Variants in B3GLCT observed in about 807,000 individuals in gnomAD.
B3GLCT encodes beta-1,3-glucosyltransferase.
A neutral mutation model predicts 63.4 loss-of-function variants in B3GLCT; 65 were observed. That is an observed-to-expected ratio of 1.03 (90% CI 0.84 to 1.26). The LOEUF (loss-of-function observed/expected upper bound fraction) is 1.26, where lower values mean the gene tolerates loss of function less well. Among genes scored for constraint, B3GLCT ranks in the 50% most tolerant of loss-of-function variants. The pLI, the probability that B3GLCT is intolerant of heterozygous loss-of-function variation, is 0.00. For missense variants in B3GLCT, 577 were observed against 604.8 expected (o/e 0.95, Z 0.48); for synonymous variants, 233 against 219.2 (o/e 1.06, Z -0.55).
chr13:31,300,725 G>A (rs993016450), intron 12 of B3GLCT, among the ~76,000 whole-genome samples: 4 of 152,168 alleles, frequency 2.6e-5, no homozygotes, highest in Non-Finnish European at 4.4e-5. Flanking sequence ...CATCTCAAAA[G>A]ACCAATCTTA....
chr13:31,302,149 T>G (rs933937831), intron 12 of B3GLCT, among the ~76,000 whole-genome samples: 1 of 152,240 alleles, frequency 6.6e-6, no homozygotes, highest in African/African-American at 2.4e-5. Context: ...AGGTAAAGCT[T>G]AGACCACAAA....
chr13:31,207,245 C>G (rs1248345557), intron 1 of B3GLCT, among the ~76,000 whole-genome samples: 2 of 151,940 alleles, frequency 1.3e-5, no homozygotes, highest in Non-Finnish European at 2.9e-5. Flanking sequence ...GTTAACTGTT[C>G]CATAGTACAC....
At chr13:31,278,411 T>G (rs563887066) in intron 10 of B3GLCT, among the ~76,000 whole-genome samples, 2 of 152,332 alleles carry the variant, frequency 1.3e-5, no homozygotes, top group South Asian at 4.1e-4. Flanking sequence ...CAAAAGTCTT[T>G]AAAAATTACA....
chr13:31,319,477 C>T (rs1229175320), intron 13 of B3GLCT, among the ~76,000 whole-genome samples: 1 of 152,172 alleles, frequency 6.6e-6, no homozygotes. Context: ...CAATTTTTAT[C>T]CTGTTTCACT....
At chr13:31,233,847 G>A (rs1325319999) in intron 4 of B3GLCT, among the ~76,000 whole-genome samples, 1 of 152,088 alleles carries the variant, frequency 6.6e-6, no homozygotes, top group East Asian at 1.9e-4. Flanking sequence ...GACTCACTTA[G>A]TCTACAGAAT....
chr13:31,315,162 G>A (rs1035387802), intron 12 of B3GLCT, among the ~76,000 whole-genome samples: 1 of 152,212 alleles, frequency 6.6e-6, no homozygotes, highest in Admixed American at 6.5e-5. Context: ...CAGGAGTGGG[G>A]TGTTGCTGAA....
At chr13:31,323,630 G>T in intron 13 of B3GLCT, 121 bp from the exon 14 acceptor site, 1 of 1,138,370 alleles carries the variant, frequency 8.8e-7, no homozygotes, top group Non-Finnish European at 1.3e-6. Context: ...TCAGTAACTA[G>T]AGAAAGCTAC....
In B3GLCT at chr13:31,317,613, C is replaced by G; in HGVS notation, c.1112C>G (p.Pro371Arg). The change falls in exon 13 of 15, where the codon CCT becomes CGT. Residue 371 changes from proline (P) to arginine (R), a missense_variant. By Grantham distance (103) the Pro-to-Arg change is moderately radical. Coordinates refer to ENST00000343307, the MANE Select transcript of B3GLCT (RefSeq NM_194318.4). The stretch of plus-strand genomic sequence containing the variant: ...CTTAGCTGTTATGACTCCGGCGAGC[C>G]TGTGTTTCTGGGAGAGCGCTACGGC... ...HLLSCYDSGE[P>R]VFLGERYGYG... 6.2e-7 allele frequency: 1 copy of G among 1,614,052 alleles called. No homozygotes were observed. The highest frequency in any genetic ancestry group is 8.5e-7 in the Non-Finnish European group (1 of 1,179,980).
chr13:31,233,128 C>T (rs955547837), intron 4 of B3GLCT, among the ~76,000 whole-genome samples: 1 of 152,104 alleles, frequency 6.6e-6, no homozygotes, highest in African/African-American at 2.4e-5. Context: ...AGAAATTTAT[C>T]AAATGAAAAT....
chr13:31,208,252 C>T (rs1224051445), intron 1 of B3GLCT, among the ~76,000 whole-genome samples: 1 of 152,174 alleles, frequency 6.6e-6, no homozygotes, highest in Non-Finnish European at 1.5e-5. Flanking sequence ...CATTAAACAG[C>T]TGCCTTCTCT....
chr13:31,229,472 G>A (rs373198628), intron 4 of B3GLCT, among the ~76,000 whole-genome samples, 178 bp downstream of exon 4: 4 of 152,288 alleles, frequency 2.6e-5, no homozygotes, highest in East Asian at 3.9e-4. Flanking sequence ...TCAGCTGGGC[G>A]TGGTGGCTCA....
chr13:31,216,357 T>C (rs927065110), intron 2 of B3GLCT, among the ~76,000 whole-genome samples: 1 of 152,262 alleles, frequency 6.6e-6, no homozygotes, highest in Admixed American at 6.5e-5. Context: ...AGGGAAGTTA[T>C]GTGATTTGAC....
At chr13:31,317,167 A>G (rs1467648413) in intron 12 of B3GLCT, among the ~76,000 whole-genome samples, 1 of 152,182 alleles carries the variant, frequency 6.6e-6, no homozygotes, top group Non-Finnish European at 1.5e-5. Context: ...TACCAAGTTC[A>G]TCTGAAAAGA....
chr13:31,224,705 A>G (rs1331837950), intron 3 of B3GLCT, among the ~76,000 whole-genome samples: 1 of 152,016 alleles, frequency 6.6e-6, no homozygotes, highest in African/African-American at 2.4e-5. Context: ...ACATAATTGG[A>G]GTGGCCCGCT....
chr13:31,235,354 A>G (rs1203990231), intron 4 of B3GLCT, among the ~76,000 whole-genome samples: 2 of 152,110 alleles, frequency 1.3e-5, no homozygotes, highest in Non-Finnish European at 2.9e-5. Flanking sequence ...AGCAGCATAC[A>G]TAGGTAGTGG....
chr13:31,201,609 C>G (rs1188011069), intron 1 of B3GLCT, among the ~76,000 whole-genome samples: 2 of 152,132 alleles, frequency 1.3e-5, no homozygotes, highest in African/African-American at 2.4e-5. Context: ...TGCAACTAAC[C>G]AAATGGGTGG....
chr13:31,296,667 T>C (rs373251622), intron 12 of B3GLCT, among the ~76,000 whole-genome samples: 3 of 151,924 alleles, frequency 2.0e-5, no homozygotes, highest in African/African-American at 7.3e-5. Context: ...TATTTTTCAA[T>C]AGAGATGATG....
chr13:31,247,871 A>T lies in B3GLCT; in HGVS notation c.364A>T (p.Ser122Cys), dbSNP rs756854037. Residue 122 changes from serine to cysteine, a missense_variant, in exon 6 of 15, where the codon AGC becomes TGC. Ser to Cys is a moderately radical substitution (Grantham distance 112). Coordinates refer to ENST00000343307, the MANE Select transcript of B3GLCT (RefSeq NM_194318.4). Reference protein sequence around the residue: ...PLLPHFSVTYSRNSSWIFFCE... With the variant: ...PLLPHFSVTYCRNSSWIFFCE... ...TTTGGTCAGTTTTTCTGTAACATAT[A>T]GCAGAAATTCATCTTGGATTTTCTT... 1 of 1,585,892 alleles carries T rather than the reference A, an allele frequency of 6.3e-7. No individual in the cohort carries two copies. The highest frequency in any genetic ancestry group is 8.7e-7 in the Non-Finnish European group (1 of 1,154,734).
intron 11 of B3GLCT, among the ~76,000 whole-genome samples, 163 bp from the exon 12 acceptor site, chr13:31,286,557 T>C (rs754079295): frequency 1.3e-5 from 2 of 152,232 alleles, no homozygotes; most frequent in Non-Finnish European, 2.9e-5. Context: ...TGGTTCAATG[T>C]GTCTGTGAAA....
Sources: gnomAD v4.1 joint callset for allele counts (sites outside exome capture counted in the v4.1 genomes callset) on GRCh38, gnomAD v4.1.1 for gene constraint, MANE v1.5 for transcripts, NCBI Gene and HGNC (gene_info 2026-07-23, HGNC 2026-07-21) for gene names.